Variants in COL24A1 observed in about 807,000 individuals in gnomAD.
COL24A1 encodes collagen type XXIV alpha 1 chain, also known as collagen alpha-1(XXIV) chain.
COL24A1 carries 224 observed loss-of-function variants against 253.9 expected under a neutral mutation model. The ratio of observed to expected loss-of-function variants is 0.88; its 90% CI spans 0.79 to 0.99. The LOEUF (loss-of-function observed/expected upper bound fraction) is 0.99. Ranked by LOEUF, COL24A1 falls within the 50% of genes least tolerant of loss-of-function variation. The pLI is 0.00. For synonymous variants in COL24A1, 685 were observed against 673.7 expected, an observed-to-expected ratio of 1.02 and a Z score of -0.26; for missense variants, 2,131 against 2,068.5, an observed-to-expected ratio of 1.03 and a Z score of -0.59.
chr1:85,952,182 T>C (rs915747792), intron 24 of COL24A1, among the ~76,000 whole-genome samples: 1 of 152,192 alleles, frequency 6.6e-6, no homozygotes, highest in Non-Finnish European at 1.5e-5. Context: ...AAACTTAAAA[T>C]GTAGAAATGC....
chr1:85,946,153 C>A (rs1375674675), intron 24 of COL24A1, among the ~76,000 whole-genome samples: 1 of 152,128 alleles, frequency 6.6e-6, no homozygotes, highest in Non-Finnish European at 1.5e-5. Flanking sequence ...GCTATGTGAT[C>A]AACCCCCAGT....
intron 43 of COL24A1, among the ~76,000 whole-genome samples, chr1:85,830,891 C>T (rs942344822): frequency 6.6e-5 from 10 of 152,142 alleles, no homozygotes; most frequent in Non-Finnish European, 1.3e-4. Context: ...TTCTGCGTTG[C>T]TCACGCTGGG....
At chr1:86,030,980 C>A (rs72716130) in intron 14 of COL24A1, among the ~76,000 whole-genome samples, 1 of 152,028 alleles carries the variant, frequency 6.6e-6, no homozygotes, top group East Asian at 1.9e-4. Context: ...AGGCTATCAG[C>A]ATACTGAACA....
intron 20 of COL24A1, among the ~76,000 whole-genome samples, chr1:85,974,444 A>T (rs1204981479): frequency 1.3e-5 from 2 of 152,172 alleles, no homozygotes; most frequent in African/African-American, 4.8e-5. Flanking sequence ...AACCTGGATT[A>T]AGATGAAAAG....
intron 47 of COL24A1, among the ~76,000 whole-genome samples, chr1:85,797,340 A>G (rs1670940417): frequency 6.6e-6 from 1 of 152,078 alleles, no homozygotes; most frequent in African/African-American, 2.4e-5. Flanking sequence ...CCATGCTCTG[A>G]TGGAGGCAGT....
At chr1:85,968,927 A>G (rs1170218497) in intron 22 of COL24A1, among the ~76,000 whole-genome samples, 1 of 152,204 alleles carries the variant, frequency 6.6e-6, no homozygotes, top group Admixed American at 6.5e-5. Flanking sequence ...ATACTTGAAC[A>G]TCTAATACTA....
chr1:86,016,255 C>T (rs928971351), intron 19 of COL24A1, among the ~76,000 whole-genome samples: 3 of 152,010 alleles, frequency 2.0e-5, no homozygotes, highest in Non-Finnish European at 4.4e-5. Flanking sequence ...AATCAGCCAA[C>T]CTTGAAGGAC....
chr1:85,838,637 C>T lies in COL24A1; in HGVS notation c.3629G>A (p.Gly1210Asp). Reference protein sequence around the residue: ...LGPPGPRGEPGPVGDQGERGE... With the variant: ...LGPPGPRGEPDPVGDQGERGE... The stretch of plus-strand genomic sequence containing the variant: ...TCTCTCTCCTTGGTCCCCCACTGGA[C>T]CCTACAGAGACCACACACAAAACAA... The change falls in exon 43 of 60, where the codon GGT (glycine) becomes GAT (aspartate). Residue 1210 changes from glycine to aspartate, a missense_variant and splice_region_variant. By Grantham distance (94) the Gly-to-Asp change is moderately conservative. Coordinates refer to ENST00000370571, the MANE Select transcript of COL24A1 (RefSeq NM_152890.7). 6.2e-7 allele frequency: 1 copy of T among 1,613,850 alleles called. No homozygotes were observed. The highest frequency in any genetic ancestry group is 1.1e-5 in the South Asian group (1 of 91,052).
At chr1:85,867,629 C>T (rs1471460356) in intron 37 of COL24A1, among the ~76,000 whole-genome samples, 9 of 151,942 alleles carry the variant, frequency 5.9e-5, no homozygotes, top group South Asian at 4.1e-4. Context: ...AGATATGAGA[C>T]AAGAAAAAGG....
intron 19 of COL24A1, among the ~76,000 whole-genome samples, chr1:86,001,343 T>C (rs1047787452): frequency 2.6e-5 from 4 of 152,188 alleles, no homozygotes; most frequent in Admixed American, 6.5e-5. Flanking sequence ...CACCAACTCT[T>C]ATGAAGATTT....
intron 24 of COL24A1, among the ~76,000 whole-genome samples, chr1:85,945,301 G>C (rs1270441282): frequency 6.6e-6 from 1 of 151,636 alleles, no homozygotes; most frequent in Non-Finnish European, 1.5e-5. Flanking sequence ...TTACAGGTGT[G>C]AGCCACTGCG....
At chr1:85,982,197 T>C (rs915280658) in intron 20 of COL24A1, among the ~76,000 whole-genome samples, 4 of 152,072 alleles carry the variant, frequency 2.6e-5, no homozygotes, top group Non-Finnish European at 4.4e-5. Flanking sequence ...ATTCCATCTA[T>C]AGGCGGTATG....
At chr1:85,852,867 C>G (rs1488218596) in intron 37 of COL24A1, among the ~76,000 whole-genome samples, 3 of 152,116 alleles carry the variant, frequency 2.0e-5, no homozygotes, top group Non-Finnish European at 4.4e-5. Context: ...CCAGGCGGGA[C>G]TTGAACTCCT....
intron 24 of COL24A1, among the ~76,000 whole-genome samples, chr1:85,952,030 G>C (rs376067067): frequency 1.3e-5 from 2 of 152,102 alleles, no homozygotes; most frequent in African/African-American, 4.8e-5. Context: ...TCATCGGGCT[G>C]CTTAGTACAA....
At chr1:85,814,519 C>T (rs900433256) in intron 47 of COL24A1, among the ~76,000 whole-genome samples, 5 of 152,128 alleles carry the variant, frequency 3.3e-5, no homozygotes, top group Non-Finnish European at 7.3e-5. Flanking sequence ...ATAATCAGTG[C>T]CACATTGCAA....
intron 47 of COL24A1, among the ~76,000 whole-genome samples, chr1:85,797,809 T>G (rs1670993158): frequency 6.6e-6 from 1 of 152,186 alleles, no homozygotes; most frequent in African/African-American, 2.4e-5. Flanking sequence ...TGATTATGAC[T>G]GAAATGCACA....
At chr1:85,857,430 A>G (rs1678558041) in intron 37 of COL24A1, among the ~76,000 whole-genome samples, 1 of 147,338 alleles carries the variant, frequency 6.8e-6, no homozygotes, top group South Asian at 2.2e-4. Context: ...CTGATGTGAG[A>G]CCAGTTCAGC....
intron 24 of COL24A1, among the ~76,000 whole-genome samples, chr1:85,917,836 C>T (rs1231795090): frequency 6.6e-6 from 1 of 152,082 alleles, no homozygotes; most frequent in Non-Finnish European, 1.5e-5. Flanking sequence ...TCCTGAGCAG[C>T]TGGGACTACA....
At chr1:85,833,627 A>G (rs1675626369) in intron 43 of COL24A1, among the ~76,000 whole-genome samples, 1 of 152,204 alleles carries the variant, frequency 6.6e-6, no homozygotes, top group Admixed American at 6.5e-5. Context: ...TATATACCCA[A>G]AGGATTATAA....
Sources: allele counts gnomAD v4.1 joint callset (sites outside exome capture counted in the v4.1 genomes callset), GRCh38; gene constraint gnomAD v4.1.1; transcripts MANE v1.5; gene names NCBI Gene and HGNC (gene_info 2026-07-23, HGNC 2026-07-21).